Variants in AEN observed in about 807,000 individuals in gnomAD.
AEN encodes apoptosis-enhancing nuclease.
In AEN, 21 loss-of-function variants were observed where a neutral mutation model predicts 17.7. The ratio of observed to expected loss-of-function variants is 1.19; its 90% CI spans 0.84 to 1.71. The LOEUF (loss-of-function observed/expected upper bound fraction) is 1.71. Ranked by LOEUF, AEN falls within the 40% of genes most tolerant of loss-of-function variation. The pLI is 0.00. For missense variants in AEN, 462 were observed against 435.9 expected (o/e 1.06, Z -0.53); for synonymous variants, 190 against 173.0 (o/e 1.10, Z -0.77).
chr15:88,626,115 C>T lies in AEN; in HGVS notation c.-64-31C>T, dbSNP rs974905735. ...GTGGGCTGCCTGGCACACTCTCACC[C>T]AGCCCCTCTGCCTGTGTGTTCTCTC... On this transcript the variant is annotated intron_variant, in intron 1 of 3. Transcript: ENST00000332810. 7 of 1,394,204 alleles carry T rather than the reference C, an allele frequency of 5.0e-6. No individual in the cohort carries two copies. In the Admixed American group the frequency reaches 8.0e-5, roughly 16 times the overall value. 86.4% of individuals were successfully genotyped at this position (1,394,204 alleles called of 1,614,324 possible).
chr15:88,604,987 C>T, the AEN span: 1 of 152,326 alleles, frequency 6.6e-6, no homozygotes, highest in Non-Finnish European at 1.5e-5. This position sits in a 1 kb window ranked among gnomAD's most constrained non-coding sequence, Gnocchi z 8.1. Flanking sequence ...CCGTCCCCTC[C>T]TCCAGGTCAA....
chr15:88,617,006 T>C (rs182918601), upstream of AEN, among the ~76,000 whole-genome samples: 1 of 152,376 alleles, frequency 6.6e-6, no homozygotes, highest in Non-Finnish European at 1.5e-5. Flanking sequence ...CATCTGTTAA[T>C]ATGGACATCT....
chr15:88,630,310 C>A lies in AEN; in HGVS notation c.*16C>A. 6.4e-7 allele frequency: 1 copy of A among 1,561,170 alleles called. No homozygotes were observed. Among genetic ancestry groups the A allele is most frequent in the Non-Finnish European group, 8.7e-7 (1 of 1,152,754 alleles). On this transcript the variant is annotated 3_prime_UTR_variant, in exon 4 of 4. Transcript: ENST00000332810. The surrounding 1 kb of genome is among the most constrained non-coding windows in gnomAD (Gnocchi z 5.1). ...AAGGAATTGAGAAGGGGGCGGGGCT[C>A]CCTGGCTGGGCTTCCGGTGTGGCCG...
chr15:88,615,086 G>C, the AEN span, among the ~76,000 whole-genome samples: 1 of 151,986 alleles, frequency 6.6e-6, no homozygotes, highest in Non-Finnish European at 1.5e-5. Flanking sequence ...AGATGGTCTC[G>C]ATCTGCTGAC....
At chr15:88,612,486 G>C in the AEN span, among the ~76,000 whole-genome samples, 1 of 152,268 alleles carries the variant, frequency 6.6e-6, no homozygotes, top group East Asian at 1.9e-4. Flanking sequence ...GTGGCCAAGG[G>C]AAAAAAGCCC....
chr15:88,609,421 C>A, the AEN span, among the ~76,000 whole-genome samples: 3 of 152,318 alleles, frequency 2.0e-5, no homozygotes, highest in South Asian at 4.1e-4. Context: ...TATTCCCTAG[C>A]CCTCTTCACA....
At chr15:88,627,602 G>T in intron 2 of AEN, 1 of 152,114 alleles carries the variant, frequency 6.6e-6, no homozygotes, top group Non-Finnish European at 1.5e-5. Flanking sequence ...GAGTTTCTGT[G>T]AAGTGGTTGA....
At chr15:88,612,101 G>C in the AEN span, among the ~76,000 whole-genome samples, 2 of 152,142 alleles carry the variant, frequency 1.3e-5, no homozygotes, top group Admixed American at 6.5e-5. Context: ...AGGGAAGTGG[G>C]GCAGGGTCTC....
rs757964089 is a variant in AEN, at chr15:88,626,643, A to G, written c.434A>G (p.Lys145Arg). ...VSYHGNVLYD[K>R]YIRPEMPIAD... ...TACCATGGCAATGTCCTCTATGACA[A>G]GTACATCAGGCCTGAGATGCCCATC... is the stretch of plus-strand genomic sequence containing the variant. The change falls in exon 2 of 4, where the codon AAG (lysine) becomes AGG (arginine). Residue 145 changes from lysine to arginine, a missense_variant. By Grantham distance (26) the Lys-to-Arg change is conservative. Transcript: ENST00000332810. The G allele has an allele frequency of 6.2e-7, 1 of 1,614,022 alleles. No homozygotes were observed. The highest frequency in any genetic ancestry group is 8.5e-7 in the Non-Finnish European group (1 of 1,180,014).
intron 1 of AEN, among the ~76,000 whole-genome samples, chr15:88,624,375 G>A (rs1033403855): frequency 6.6e-6 from 1 of 152,186 alleles, no homozygotes; most frequent in African/African-American, 2.4e-5. Flanking sequence ...GAGTCCAGGC[G>A]GAGGCTGCTC....
intron 1 of AEN, among the ~76,000 whole-genome samples, chr15:88,623,036 G>T (rs558107694): frequency 5.9e-5 from 9 of 152,238 alleles, no homozygotes; most frequent in African/African-American, 2.2e-4. Flanking sequence ...CCTACTCCTA[G>T]CCTCAGCCCC....
chr15:88,626,837 G>C (rs1486038152), intron 2 of AEN, 88 bp downstream of exon 2: 1 of 1,450,886 alleles, frequency 6.9e-7, no homozygotes, highest in Admixed American at 2.0e-5. Context: ...GCTTCACTGG[G>C]GGCAAGAAAC....
intron 1 of AEN, among the ~76,000 whole-genome samples, chr15:88,622,426 T>A (rs1288073802): frequency 6.6e-6 from 1 of 152,012 alleles, no homozygotes; most frequent in Non-Finnish European, 1.5e-5. Flanking sequence ...CCCACAGAGG[T>A]AGTGAAGGAA....
the AEN span, among the ~76,000 whole-genome samples, chr15:88,606,814 T>C: frequency 6.6e-6 from 1 of 152,202 alleles, no homozygotes; most frequent in African/African-American, 2.4e-5. Context: ...GCAACTTACC[T>C]TTCCACCACT....
At chr15:88,615,047 A>C in the AEN span, among the ~76,000 whole-genome samples, 3 of 151,312 alleles carry the variant, frequency 2.0e-5, no homozygotes, top group East Asian at 5.9e-4. Context: ...TTGTATTTTT[A>C]GTAGAGAAAG....
upstream of AEN, chr15:88,621,234 G>A (rs1178497426): frequency 6.6e-6 from 1 of 152,316 alleles, no homozygotes; most frequent in East Asian, 1.9e-4. Flanking sequence ...CTGCCAGGCA[G>A]GCTCGACCAA....
chr15:88,613,588 G>T, the AEN span, among the ~76,000 whole-genome samples: 309 of 151,880 alleles, frequency 2.0e-3, 1 homozygote, highest in African/African-American at 7.0e-3. Flanking sequence ...AAGCATCTCG[G>T]GGGGGGATGT....
At chr15:88,629,092 C>T (rs1337705931) in intron 2 of AEN, 134 bp from the exon 3 acceptor site, 5 of 857,190 alleles carry the variant, frequency 5.8e-6, no homozygotes, top group Non-Finnish European at 9.4e-6. Context: ...CTGTGGAGCT[C>T]GTGATCTCCC....
the AEN span, among the ~76,000 whole-genome samples, chr15:88,608,515 G>A: frequency 3.8e-3 from 578 of 152,256 alleles, 11 homozygotes; most frequent in East Asian, 0.046. Flanking sequence ...TAGATAATTG[G>A]TCCTCATTAT....
Sources: allele counts gnomAD v4.1 joint callset (sites outside exome capture counted in the v4.1 genomes callset), GRCh38; gene constraint gnomAD v4.1.1; non-coding constraint Gnocchi (gnomAD v3.1); transcripts MANE v1.5; gene names NCBI Gene and HGNC (gene_info 2026-07-23, HGNC 2026-07-21).